Variants in ME3 observed in about 807,000 individuals in gnomAD.
The protein encoded by ME3 is malic enzyme 3.
Under a neutral mutation model 68.9 loss-of-function variants are expected in ME3, and 48 were observed. The observed-to-expected ratio is 0.70, with a 90% CI of 0.55 to 0.89. ME3 has a LOEUF of 0.89. ME3 is among the 40% of genes least tolerant of loss of function. The probability of loss-of-function intolerance (pLI) is 0.00; values close to 1 mark genes in which losing one functional copy is unlikely to be tolerated. For missense variants in ME3, 675 were observed against 797.4 expected, an observed-to-expected ratio of 0.85 and a Z score of 1.85; for synonymous variants, 320 against 318.8, an observed-to-expected ratio of 1.00 and a Z score of -0.04.
At chr11:86,651,928 C>G (rs187039793) in intron 2 of ME3, among the ~76,000 whole-genome samples, 1 of 152,132 alleles carries the variant, frequency 6.6e-6, no homozygotes, top group Non-Finnish European at 1.5e-5. Context: ...AACCATGGCA[C>G]GAGAACCACA....
At chr11:86,537,026 T>G (rs1955715200) in intron 4 of ME3, among the ~76,000 whole-genome samples, 1 of 150,606 alleles carries the variant, frequency 6.6e-6, no homozygotes, top group South Asian at 2.1e-4. Flanking sequence ...CTCAGTAAAC[T>G]ATCGGAAGAA....
intron 8 of ME3, among the ~76,000 whole-genome samples, chr11:86,454,727 A>G (rs73519970): frequency 6.6e-4 from 100 of 152,380 alleles, no homozygotes; most frequent in African/African-American, 2.3e-3. Context: ...GCACTAACCT[A>G]TGTTCCATTG....
At chr11:86,604,859 T>C (rs1470313232) in intron 2 of ME3, among the ~76,000 whole-genome samples, 1 of 152,210 alleles carries the variant, frequency 6.6e-6, no homozygotes, top group Non-Finnish European at 1.5e-5. Flanking sequence ...TCTTATATGT[T>C]TTAATTTAAA....
chr11:86,612,074 C>T (rs1185266488), intron 2 of ME3, among the ~76,000 whole-genome samples: 6 of 152,166 alleles, frequency 3.9e-5, no homozygotes, highest in African/African-American at 1.4e-4. Flanking sequence ...TGCCCCCCAA[C>T]CCCCAACAGG....
chr11:86,484,846 G>C (rs1450879868), intron 7 of ME3, among the ~76,000 whole-genome samples: 1 of 152,242 alleles, frequency 6.6e-6, no homozygotes, highest in Non-Finnish European at 1.5e-5. Context: ...TGTGTGACCT[G>C]AGATAGCTAA....
At chr11:86,621,372 T>C (rs1003149512) in intron 2 of ME3, among the ~76,000 whole-genome samples, 1 of 152,012 alleles carries the variant, frequency 6.6e-6, no homozygotes, top group African/African-American at 2.4e-5. Flanking sequence ...GTTTTTAAAC[T>C]TTTTTGCTCC....
intron 2 of ME3, among the ~76,000 whole-genome samples, chr11:86,658,842 A>G (rs1016270466): frequency 6.6e-6 from 1 of 152,092 alleles, no homozygotes; most frequent in Non-Finnish European, 1.5e-5. Context: ...TTCAGCTCTG[A>G]TGGGTGGATT....
exon 1 of ME3, chr11:86,672,496 C>G (rs1274768676): frequency 6.6e-6 from 1 of 152,284 alleles, no homozygotes; most frequent in Non-Finnish European, 1.5e-5. Flanking sequence ...TTCTCAGTGC[C>G]TGGCTTCCCC....
At chr11:86,547,437 A>T (rs1435396146) in intron 4 of ME3, among the ~76,000 whole-genome samples, 2 of 151,140 alleles carry the variant, frequency 1.3e-5, no homozygotes, top group East Asian at 3.9e-4. Flanking sequence ...CAATGAGAAC[A>T]CATGGACACA....
At chr11:86,560,706 GTGTGTGTGTGTGTGTGTGTA>G (rs1283619599) in intron 2 of ME3, among the ~76,000 whole-genome samples, 2 of 40,696 alleles carry the variant, frequency 4.9e-5, no homozygotes, top group East Asian at 7.0e-4. Context: ...ATAATGATAT[GTGTGTGTGTGTGTGTGTGTA>G]TGTGTGTGTG....
rs550993276 is a variant in ME3, at chr11:86,590,451, G to A, written c.184-30628C>T. Among the ~76,000 whole-genome samples the A allele has an allele frequency of 2.0e-5, 3 of 152,320 alleles. No individual in the cohort carries two copies. The South Asian group carries it at 6.2e-4, about 32-fold the overall frequency. The stretch of plus-strand genomic sequence containing the variant: ...AGAGAATAGATCTCCCTGCGGGCTG[G>A]GAGGAGCAGTGGGGAAAGCTTCACA... On this transcript the variant is annotated intron_variant, in intron 2 of 14. Transcript: ENST00000543262.
chr11:86,448,147 T>A lies in ME3; in HGVS notation c.1237+3A>T. On this transcript the variant is annotated splice_donor_region_variant and intron_variant, in intron 11 of 14. Transcript: ENST00000543262. Reference sequence around the variant, plus strand: ...GGGTAGTGGGTACCCTCCCTCCTCCTACCTATGATGGCTGTGGGCTTCACC... The same window carrying A: ...GGGTAGTGGGTACCCTCCCTCCTCCAACCTATGATGGCTGTGGGCTTCACC... The A allele has an allele frequency of 6.2e-7, 1 of 1,608,148 alleles. No individual in the cohort carries two copies.
At chr11:86,571,858 T>A (rs1033188080) in intron 2 of ME3, among the ~76,000 whole-genome samples, 1 of 152,156 alleles carries the variant, frequency 6.6e-6, no homozygotes, top group African/African-American at 2.4e-5. Flanking sequence ...TGGCCACACC[T>A]GGGAGGCAGC....
At chr11:86,597,494 T>C (rs887638455) in intron 2 of ME3, among the ~76,000 whole-genome samples, 1 of 152,172 alleles carries the variant, frequency 6.6e-6, no homozygotes, top group Non-Finnish European at 1.5e-5. Flanking sequence ...GGAGAAACAC[T>C]AGAAGTCTTT....
chr11:86,480,793 G>T (rs1951359131), intron 7 of ME3, among the ~76,000 whole-genome samples: 1 of 152,186 alleles, frequency 6.6e-6, no homozygotes, highest in African/African-American at 2.4e-5. Flanking sequence ...AGCTCTGCTT[G>T]GGAAGTTTCC....
chr11:86,651,888 G>C (rs1945461110), intron 2 of ME3, among the ~76,000 whole-genome samples: 1 of 152,158 alleles, frequency 6.6e-6, no homozygotes, highest in African/African-American at 2.4e-5. Flanking sequence ...CTAATGCAGA[G>C]AAGTCCTTAA....
chr11:86,652,351 C>T lies in ME3; in HGVS notation c.183+19411G>A, dbSNP rs541898306. The stretch of plus-strand genomic sequence containing the variant: ...GTTAAGGGCAGCCAGAGAAAAGGCT[C>T]GGGTTACCCACAAAGGGAAGCCCAT... On this transcript the variant is annotated intron_variant, in intron 2 of 14. Transcript: ENST00000543262. Among the ~76,000 whole-genome samples the T allele has an allele frequency of 1.6e-4, 24 of 152,268 alleles. No individual in the cohort carries two copies. The East Asian group carries it at 1.7e-3, about 11-fold the overall frequency.
chr11:86,622,276 G>A (rs1372775877), intron 2 of ME3, among the ~76,000 whole-genome samples: 1 of 152,060 alleles, frequency 6.6e-6, no homozygotes, highest in Non-Finnish European at 1.5e-5. Context: ...AGCTCTGCAT[G>A]TGGGTTCTCA....
At chr11:86,534,623 C>T (rs1012864470) in intron 4 of ME3, among the ~76,000 whole-genome samples, 3 of 152,092 alleles carry the variant, frequency 2.0e-5, no homozygotes, top group South Asian at 4.2e-4. Context: ...TGCAGTGAGC[C>T]GAGATCATGC....
Sources: allele counts gnomAD v4.1 joint callset (sites outside exome capture counted in the v4.1 genomes callset), GRCh38; gene constraint gnomAD v4.1.1; transcripts MANE v1.5; gene names NCBI Gene and HGNC (gene_info 2026-07-23, HGNC 2026-07-21).